Variants in PRELID2 observed in about 807,000 individuals in gnomAD.
The protein encoded by PRELID2 is PRELI domain-containing protein 2.
A neutral mutation model predicts 28.4 loss-of-function variants in PRELID2; 25 were observed. The ratio of observed to expected loss-of-function variants is 0.88; its 90% CI spans 0.64 to 1.23. The LOEUF is 1.23. Among genes scored for constraint, PRELID2 ranks in the 50% most tolerant of loss-of-function variants. The pLI, the probability that PRELID2 is intolerant of heterozygous loss-of-function variation, is 0.00. For synonymous variants in PRELID2, 76 were observed against 71.6 expected, an observed-to-expected ratio of 1.06 and a Z score of -0.31; for missense variants, 201 against 214.4, an observed-to-expected ratio of 0.94 and a Z score of 0.39.
the PRELID2 span, among the ~76,000 whole-genome samples, chr5:145,418,003 C>G: frequency 6.6e-6 from 1 of 152,192 alleles, no homozygotes; most frequent in Non-Finnish European, 1.5e-5. Context: ...TCCATCATCT[C>G]AGCCCAAAAT....
chr5:145,653,973 A>T (rs1431567953), intron 1 of PRELID2, among the ~76,000 whole-genome samples: 1 of 152,156 alleles, frequency 6.6e-6, no homozygotes, highest in African/African-American at 2.4e-5. Context: ...GGTTTTTTTA[A>T]AAGATCAATA....
At chr5:145,725,412 A>T (rs545899541) in intron 1 of PRELID2, among the ~76,000 whole-genome samples, 3 of 152,242 alleles carry the variant, frequency 2.0e-5, no homozygotes, top group Non-Finnish European at 2.9e-5. Flanking sequence ...AGAAACCAGT[A>T]TAGCCATTCC....
At position 145,778,983 on chromosome 5, in the gene PRELID2, T is replaced by C. The variant is rs75869040; in HGVS notation, c.475-13983A>G. Among the ~76,000 whole-genome samples the C allele has an allele frequency of 7.6e-3, 1,161 of 152,306 alleles. 15 individuals carry two copies. Among genetic ancestry groups the C allele is most frequent in the African/African-American group, 0.027 (1,123 of 41,574 alleles). On this transcript the variant is annotated intron_variant, in intron 5 of 6. Transcript: ENST00000683046. Reference sequence around the variant, plus strand: ...GGTAATACATGCAACATACTCAGGATGATTGATGTCTGGGGCATAGAAAGT... The same window carrying C: ...GGTAATACATGCAACATACTCAGGACGATTGATGTCTGGGGCATAGAAAGT...
chr5:145,381,288 A>AG, the PRELID2 span, among the ~76,000 whole-genome samples: 1 of 152,188 alleles, frequency 6.6e-6, no homozygotes, highest in Non-Finnish European at 1.5e-5. Flanking sequence ...ATTGTGAGAG[A>AG]AAAACTTCAG....
the PRELID2 span, among the ~76,000 whole-genome samples, chr5:145,406,851 C>A: frequency 6.6e-6 from 1 of 152,122 alleles, no homozygotes. Flanking sequence ...TTACCTAGAG[C>A]TGAAATGGGT....
the PRELID2 span, among the ~76,000 whole-genome samples, chr5:145,339,328 GA>G: frequency 6.6e-6 from 1 of 152,238 alleles, no homozygotes; most frequent in South Asian, 2.1e-4. Context: ...GATTGGCGGG[GA>G]GCTTGGAGAG....
chr5:145,537,323 C>T (rs1169082262), intron 1 of PRELID2, among the ~76,000 whole-genome samples: 2 of 151,946 alleles, frequency 1.3e-5, no homozygotes, highest in South Asian at 2.1e-4. Flanking sequence ...GATTTCCTTT[C>T]CTTTAGATAT....
At chr5:145,608,367 T>C (rs1753539802) in intron 1 of PRELID2, among the ~76,000 whole-genome samples, 1 of 152,212 alleles carries the variant, frequency 6.6e-6, no homozygotes. Flanking sequence ...TGTGTCTTTG[T>C]GATGGCTGGT....
intron 1 of PRELID2, among the ~76,000 whole-genome samples, chr5:145,556,404 T>C (rs1752880617): frequency 6.6e-6 from 1 of 152,038 alleles, no homozygotes; most frequent in Admixed American, 6.6e-5. Context: ...CTCCCTCATC[T>C]CTCACATCCA....
At position 145,760,042 on chromosome 5, in the gene PRELID2, T is replaced by G. The variant is rs560154749; in HGVS notation, c.*494A>C. ...TAGCTTCAACATAGGTCTGGTACAT[T>G]CCTGTTTGTTCCAGTCCACCCGTGA... On this transcript the variant is annotated 3_prime_UTR_variant, in exon 7 of 7. Transcript: ENST00000683046. 1 of 152,284 alleles carries G rather than the reference T, an allele frequency of 6.6e-6. No homozygotes were observed. Among genetic ancestry groups the G allele is most frequent in the South Asian group, 2.1e-4 (1 of 4,814 alleles). 9.4% of individuals were successfully genotyped at this position (152,284 alleles called of 1,614,324 possible).
chr5:145,717,291 G>A (rs770032315), intron 1 of PRELID2, among the ~76,000 whole-genome samples: 1 of 152,026 alleles, frequency 6.6e-6, no homozygotes, highest in Non-Finnish European at 1.5e-5. Flanking sequence ...ACTACTAACA[G>A]GCATGAGGTT....
intron 1 of PRELID2, among the ~76,000 whole-genome samples, chr5:145,628,981 G>A (rs1766230822): frequency 6.6e-6 from 1 of 152,208 alleles, no homozygotes; most frequent in African/African-American, 2.4e-5. Flanking sequence ...AATGGGCAAG[G>A]AAGGTGGTTT....
At position 145,823,151 on chromosome 5, in the gene PRELID2, A is replaced by T. The variant is rs780863042; in HGVS notation, c.76-17T>A. The T allele has an allele frequency of 2.4e-6, 3 of 1,249,384 alleles. No homozygotes were observed. Among genetic ancestry groups the T allele is most frequent in the African/African-American group, 3.0e-5 (2 of 67,416 alleles). 77.4% of individuals were successfully genotyped at this position (1,249,384 alleles called of 1,614,324 possible). A position where few individuals can be genotyped will look rare whatever the true frequency, so the allele number is the denominator to read the frequency against. ...GTTGGGGTACTAAACAAAAATATAT[A>T]AAAAAGAATTACCATTAATCTTCTA... On this transcript the variant is annotated splice_polypyrimidine_tract_variant and intron_variant, in intron 1 of 6. Transcript: ENST00000683046.
At chr5:145,789,406 G>A (rs927569003) in intron 5 of PRELID2, among the ~76,000 whole-genome samples, 3 of 152,092 alleles carry the variant, frequency 2.0e-5, no homozygotes, top group Non-Finnish European at 4.4e-5. Flanking sequence ...AAAAAAACCA[G>A]TCTCTTCAAT....
chr5:145,785,733 A>G (rs1300341833), intron 5 of PRELID2, among the ~76,000 whole-genome samples: 1 of 152,242 alleles, frequency 6.6e-6, no homozygotes, highest in Non-Finnish European at 1.5e-5. Context: ...GGAACTTAAG[A>G]TACGTGGATT....
the PRELID2 span, among the ~76,000 whole-genome samples, chr5:145,240,242 C>T: frequency 0.055 from 8,307 of 151,858 alleles, 401 homozygotes; most frequent in African/African-American, 0.13. Flanking sequence ...TTATTGCTTT[C>T]TTTTTTTCAT....
chr5:145,308,493 T>C, the PRELID2 span, among the ~76,000 whole-genome samples: 2,789 of 152,330 alleles, frequency 0.018, 46 homozygotes, highest in Middle Eastern at 0.054. Context: ...CAGAGTACTT[T>C]AGGTGCACCA....
At chr5:145,290,265 A>G in the PRELID2 span, among the ~76,000 whole-genome samples, 2 of 152,182 alleles carry the variant, frequency 1.3e-5, no homozygotes, top group African/African-American at 4.8e-5. Flanking sequence ...CACCCAAAGG[A>G]TTATAAATCA....
chr5:145,819,560 C>G (rs1754613897), intron 3 of PRELID2: 2 of 585,062 alleles, frequency 3.4e-6, no homozygotes, highest in Non-Finnish European at 5.9e-6. Flanking sequence ...GAATTAGAAA[C>G]TGAAGTTTTT....
Sources: gnomAD v4.1 joint callset for allele counts (sites outside exome capture counted in the v4.1 genomes callset) on GRCh38, gnomAD v4.1.1 for gene constraint, MANE v1.5 for transcripts, NCBI Gene and HGNC (gene_info 2026-07-23, HGNC 2026-07-21) for gene names.